OXR1: variants seen among roughly 807,000 people sequenced by gnomAD.
OXR1 encodes the protein oxidation resistance protein 1.
In OXR1, 41 loss-of-function variants were observed where a neutral mutation model predicts 104.6. That is an observed-to-expected ratio of 0.39 (90% CI 0.31 to 0.51). The LOEUF (loss-of-function observed/expected upper bound fraction) is 0.51. OXR1 is among the 20% of genes least tolerant of loss of function. OXR1 has a pLI of 0.77. For synonymous variants in OXR1, 348 were observed against 348.4 expected (o/e 1.00, Z 0.01); for missense variants, 955 against 1,031.9 (o/e 0.93, Z 1.02).
chr8:106,680,393 A>G (rs1437095796), intron 4 of OXR1, among the ~76,000 whole-genome samples: 1 of 152,088 alleles, frequency 6.6e-6, no homozygotes, highest in African/African-American at 2.4e-5. Flanking sequence ...TGTTTTTATC[A>G]TGTTTATTGT....
intron 2 of OXR1, among the ~76,000 whole-genome samples, chr8:106,383,386 A>G (rs1817240965): frequency 6.6e-6 from 1 of 152,176 alleles, no homozygotes; most frequent in African/African-American, 2.4e-5. Flanking sequence ...ATTATCTATG[A>G]TATGTATTAT....
At position 106,447,674 on chromosome 8, in the gene OXR1, T is replaced by C. The variant is rs1037447; in HGVS notation, c.24-71269T>C. ...TAAAAGTCTGATAATGGGCACTATC[T>C]CTAAATCGCTTCTGTGTTTTCCTTG... On this transcript the variant is annotated intron_variant, in intron 2 of 16. Transcript: ENST00000517566. Among the ~76,000 whole-genome samples, 52 of 152,330 alleles carry C rather than the reference T, an allele frequency of 3.4e-4. 1 individual carries two copies. The South Asian group carries it at 0.01, about 30-fold the overall frequency.
intron 3 of OXR1, among the ~76,000 whole-genome samples, chr8:106,586,189 A>G (rs1047951208): frequency 1.3e-5 from 2 of 152,210 alleles, no homozygotes; most frequent in Non-Finnish European, 2.9e-5. Flanking sequence ...GGTGAGAAAC[A>G]TGGTAGTTGA....
chr8:106,580,438 C>T (rs1818147671), intron 3 of OXR1, among the ~76,000 whole-genome samples: 1 of 152,120 alleles, frequency 6.6e-6, no homozygotes, highest in Non-Finnish European at 1.5e-5. Flanking sequence ...TTTCATTGTA[C>T]ATATATACCA....
At chr8:106,734,217 G>A (rs981968959) in intron 11 of OXR1, among the ~76,000 whole-genome samples, 3 of 151,902 alleles carry the variant, frequency 2.0e-5, no homozygotes, top group East Asian at 3.9e-4. Context: ...TTTTAATTTG[G>A]GCAAAATGGG....
intron 2 of OXR1, among the ~76,000 whole-genome samples, chr8:106,512,942 G>C (rs1408805357): frequency 6.6e-6 from 1 of 152,160 alleles, no homozygotes; most frequent in Non-Finnish European, 1.5e-5. Context: ...CCTCCACAGT[G>C]AGCAGTATAA....
At chr8:106,747,398 T>G (rs1835480338) in intron 16 of OXR1, among the ~76,000 whole-genome samples, 1 of 152,236 alleles carries the variant, frequency 6.6e-6, no homozygotes. Flanking sequence ...TTACTCATTT[T>G]CTTTCATCCA....
chr8:106,599,864 C>A (rs1445901195), intron 3 of OXR1, among the ~76,000 whole-genome samples: 2 of 152,054 alleles, frequency 1.3e-5, no homozygotes, highest in African/African-American at 4.8e-5. Context: ...GAGATGGTTT[C>A]TGGATGAAAC....
At chr8:106,621,738 A>T (rs1821722113) in intron 3 of OXR1, among the ~76,000 whole-genome samples, 1 of 152,226 alleles carries the variant, frequency 6.6e-6, no homozygotes, top group Non-Finnish European at 1.5e-5. Flanking sequence ...TATTAAAGGC[A>T]TGTGCAGGTT....
At chr8:106,565,782 T>C (rs1411486682) in intron 3 of OXR1, among the ~76,000 whole-genome samples, 1 of 152,090 alleles carries the variant, frequency 6.6e-6, no homozygotes, top group Non-Finnish European at 1.5e-5. Context: ...AAAACAGGTA[T>C]GTAGACCAAT....
intron 3 of OXR1, among the ~76,000 whole-genome samples, chr8:106,535,230 T>C (rs1814413101): frequency 6.6e-6 from 1 of 152,180 alleles, no homozygotes; most frequent in Non-Finnish European, 1.5e-5. Context: ...AGAACTATGA[T>C]CTGCAGAAAT....
intron 3 of OXR1, among the ~76,000 whole-genome samples, chr8:106,594,010 A>G (rs1202685684): frequency 6.6e-6 from 1 of 152,234 alleles, no homozygotes; most frequent in Non-Finnish European, 1.5e-5. Flanking sequence ...AAGGTACGTC[A>G]AACTGGAACA....
At chr8:106,574,002 C>T (rs1401696603) in intron 3 of OXR1, among the ~76,000 whole-genome samples, 1 of 152,048 alleles carries the variant, frequency 6.6e-6, no homozygotes, top group Non-Finnish European at 1.5e-5. Context: ...ACTCTGCACT[C>T]GCAAACTGCT....
chr8:106,586,495 T>G (rs1243764401), intron 3 of OXR1, among the ~76,000 whole-genome samples: 6 of 152,202 alleles, frequency 3.9e-5, no homozygotes, highest in African/African-American at 1.4e-4. Flanking sequence ...AGGTGTTAGC[T>G]AAATCTCTAA....
chr8:106,679,143 T>A, intron 3 of OXR1, 67 bp from the exon 4 acceptor site: 1 of 906,934 alleles, frequency 1.1e-6, no homozygotes, highest in South Asian at 1.4e-5. Context: ...AGAGCTCTAT[T>A]CAGTAGTCCT....
intron 3 of OXR1, among the ~76,000 whole-genome samples, chr8:106,562,245 GCTAT>G (rs769597395): frequency 4.6e-5 from 7 of 152,038 alleles, no homozygotes; most frequent in African/African-American, 9.7e-5. Context: ...GAGCGGAATG[GCTAT>G]CTATAATACC....
intron 1 of OXR1, among the ~76,000 whole-genome samples, chr8:106,333,421 A>AT (rs1367420907): frequency 6.6e-6 from 1 of 152,038 alleles, no homozygotes; most frequent in Non-Finnish European, 1.5e-5. Flanking sequence ...ATTTTCTCCT[A>AT]TTATGTGGGT....
rs572703044 is a variant in OXR1, at chr8:106,533,805, C to T, written c.220+14666C>T. Among the ~76,000 whole-genome samples, 9 of 151,558 alleles carry T rather than the reference C, an allele frequency of 5.9e-5. No homozygotes were observed. In the East Asian group the frequency reaches 1.6e-3, roughly 26 times the overall value. On this transcript the variant is annotated intron_variant, in intron 3 of 16. Coordinates refer to ENST00000517566, the MANE Select transcript of OXR1 (RefSeq NM_001198533.2). ...TCTTGGCTCACCACAAACCTCTGCC[C>T]TCTGGGTTCAAGCAATTCTCCTGCC...
At chr8:106,748,027 A>G (rs572047498) in intron 16 of OXR1, among the ~76,000 whole-genome samples, 6 of 152,322 alleles carry the variant, frequency 3.9e-5, no homozygotes, top group South Asian at 2.1e-4. Flanking sequence ...TAGATTGGCT[A>G]TGATAGTCTA....
Sources: gnomAD v4.1 joint callset for allele counts (sites outside exome capture counted in the v4.1 genomes callset) on GRCh38, gnomAD v4.1.1 for gene constraint, MANE v1.5 for transcripts, NCBI Gene and HGNC (gene_info 2026-07-23, HGNC 2026-07-21) for gene names.